Variants in HACD2 observed in about 807,000 individuals in gnomAD.
HACD2 encodes the protein very-long-chain (3R)-3-hydroxyacyl-CoA dehydratase 2.
A neutral mutation model predicts 31.0 loss-of-function variants in HACD2; 15 were observed. The observed-to-expected ratio is 0.48, with a 90% CI of 0.32 to 0.75. The LOEUF is 0.75. HACD2 is among the 30% of genes least tolerant of loss of function. The pLI, the probability that HACD2 is intolerant of heterozygous loss-of-function variation, is 0.03. For missense variants in HACD2, 283 were observed against 313.0 expected (o/e 0.90, Z 0.72); for synonymous variants, 115 against 122.2 (o/e 0.94, Z 0.39).
intron 5 of HACD2, among the ~76,000 whole-genome samples, chr3:123,501,999 G>A (rs1030308889): frequency 6.6e-6 from 1 of 152,148 alleles, no homozygotes; most frequent in Non-Finnish European, 1.5e-5. Context: ...CTGTCTCATG[G>A]ACTCATTAAG....
chr3:123,519,499 G>A (rs1235253342), intron 4 of HACD2, among the ~76,000 whole-genome samples: 1 of 152,220 alleles, frequency 6.6e-6, no homozygotes, highest in Non-Finnish European at 1.5e-5. Flanking sequence ...TTTCACAGGA[G>A]TGATGGGGGT....
intron 4 of HACD2, 121 bp downstream of exon 4, chr3:123,528,265 C>T: frequency 1.5e-6 from 1 of 672,186 alleles, no homozygotes; most frequent in Non-Finnish European, 2.7e-6. Flanking sequence ...TTTATCTCAG[C>T]TATATTGACA....
chr3:123,512,503 A>C (rs894086430), intron 4 of HACD2, among the ~76,000 whole-genome samples: 3 of 152,156 alleles, frequency 2.0e-5, no homozygotes, highest in African/African-American at 7.2e-5. Context: ...AGGTGAGGGA[A>C]GGTGGTGGGC....
chr3:123,497,368 G>A (rs201412896), intron 6 of HACD2, among the ~76,000 whole-genome samples: 1 of 152,208 alleles, frequency 6.6e-6, no homozygotes, highest in African/African-American at 2.4e-5. Flanking sequence ...TGTTGGGGAC[G>A]AGGGGGGTGT....
chr3:123,537,121 A>G (rs1285032382), intron 3 of HACD2, among the ~76,000 whole-genome samples: 7 of 152,226 alleles, frequency 4.6e-5, no homozygotes, highest in Non-Finnish European at 8.8e-5. Flanking sequence ...ATAAATTAAT[A>G]ACAATTTAAA....
intron 2 of HACD2, among the ~76,000 whole-genome samples, chr3:123,581,021 T>C (rs1253555527): frequency 6.6e-6 from 1 of 151,914 alleles, no homozygotes; most frequent in Non-Finnish European, 1.5e-5. Context: ...GGGGTTTCAC[T>C]GTGTTAGCCA....
intron 3 of HACD2, chr3:123,543,581 A>G: frequency 3.6e-6 from 1 of 274,438 alleles, no homozygotes; most frequent in Non-Finnish European, 7.2e-6. Context: ...CATGTGAATG[A>G]ATTACTTATT....
intron 4 of HACD2, among the ~76,000 whole-genome samples, chr3:123,523,901 A>C (rs1262943919): frequency 6.6e-6 from 1 of 152,250 alleles, no homozygotes; most frequent in Non-Finnish European, 1.5e-5. Flanking sequence ...TTGCTTCTTC[A>C]GTGCAATGAT....
chr3:123,569,361 A>G (rs1559933208), intron 2 of HACD2, among the ~76,000 whole-genome samples: 1 of 152,116 alleles, frequency 6.6e-6, no homozygotes, highest in Non-Finnish European at 1.5e-5. Context: ...CTAGACAGAA[A>G]ACCTGTTCAT....
chr3:123,552,705 T>C (rs1012811052), intron 3 of HACD2, among the ~76,000 whole-genome samples: 1 of 151,986 alleles, frequency 6.6e-6, no homozygotes, highest in Non-Finnish European at 1.5e-5. Flanking sequence ...AAAAAATACA[T>C]GTTTAATCAA....
At chr3:123,527,825 A>G (rs2056303135) in intron 4 of HACD2, among the ~76,000 whole-genome samples, 1 of 152,236 alleles carries the variant, frequency 6.6e-6, no homozygotes, top group African/African-American at 2.4e-5. Context: ...AAGGCATTAC[A>G]TTTGCGGGTA....
chr3:123,584,419 A>C (rs2057001283), intron 1 of HACD2: 1 of 155,346 alleles, frequency 6.4e-6, no homozygotes, highest in African/African-American at 2.4e-5. Flanking sequence ...ATTAAAGCGC[A>C]GCCCAGATTT....
intron 3 of HACD2, among the ~76,000 whole-genome samples, chr3:123,548,766 G>C (rs532208142): frequency 1.3e-5 from 2 of 151,878 alleles, no homozygotes; most frequent in East Asian, 3.9e-4. Context: ...GGAACCACAG[G>C]TGTGTGTCAC....
chr3:123,552,099 G>C (rs1195273696), intron 3 of HACD2, among the ~76,000 whole-genome samples: 1 of 152,128 alleles, frequency 6.6e-6, no homozygotes, highest in African/African-American at 2.4e-5. Context: ...AGAGAGAAGA[G>C]CAGAACAGAA....
intron 4 of HACD2, among the ~76,000 whole-genome samples, chr3:123,515,899 G>A (rs926302787): frequency 5.3e-5 from 8 of 151,998 alleles, no homozygotes; most frequent in African/African-American, 1.9e-4. Context: ...GGGGACTACA[G>A]GTATGCACCA....
At chr3:123,559,699 C>A (rs2056707844) in intron 3 of HACD2, among the ~76,000 whole-genome samples, 1 of 152,154 alleles carries the variant, frequency 6.6e-6, no homozygotes, top group South Asian at 2.1e-4. Context: ...AGAGAAGGCA[C>A]CTTAAGGTCT....
intron 4 of HACD2, among the ~76,000 whole-genome samples, chr3:123,511,446 A>G (rs2056062331): frequency 6.6e-6 from 1 of 152,198 alleles, no homozygotes; most frequent in Non-Finnish European, 1.5e-5. Context: ...AGAAGAGCCT[A>G]GAGAACAGAT....
intron 1 of HACD2, chr3:123,584,612 G>A (rs2057005123): frequency 3.2e-6 from 1 of 315,214 alleles, no homozygotes; most frequent in Non-Finnish European, 5.8e-6. Context: ...GCCCTCGCGA[G>A]CCAGCGCCCG....
At chr3:123,557,714 T>C (rs1209167200) in intron 3 of HACD2, among the ~76,000 whole-genome samples, 1 of 152,154 alleles carries the variant, frequency 6.6e-6, no homozygotes, top group Admixed American at 6.5e-5. Context: ...ATGCTCTACG[T>C]CATGTATAAT....
Sources: gnomAD v4.1 joint callset for allele counts (sites outside exome capture counted in the v4.1 genomes callset) on GRCh38, gnomAD v4.1.1 for gene constraint, MANE v1.5 for transcripts, NCBI Gene and HGNC (gene_info 2026-07-23, HGNC 2026-07-21) for gene names.